STRA8: variants seen among roughly 807,000 people sequenced by gnomAD.
The protein encoded by STRA8 is stimulated by retinoic acid gene 8 protein homolog.
Under a neutral mutation model 37.1 loss-of-function variants are expected in STRA8, and 18 were observed. The observed-to-expected ratio is 0.48, with a 90% CI of 0.34 to 0.72. The LOEUF (loss-of-function observed/expected upper bound fraction) is 0.72. Among genes scored for constraint, STRA8 ranks in the 30% least tolerant of loss-of-function variants. The pLI is 0.01. For missense variants in STRA8, 357 were observed against 410.4 expected (o/e 0.87, Z 1.13); for synonymous variants, 168 against 162.9 (o/e 1.03, Z -0.24).
intron 1 of STRA8, among the ~76,000 whole-genome samples, chr7:135,238,111 A>C (rs1006548894): frequency 6.6e-6 from 1 of 152,208 alleles, no homozygotes; most frequent in African/African-American, 2.4e-5. Flanking sequence ...AATTAAGAGT[A>C]ACATCTCCAG....
In STRA8 at chr7:135,252,013, A is replaced by AGAGAGAGAGTGTGT. The variant is rs142941773; in HGVS notation, c.953+145_953+146insAGAGAGAGTGTGTG. The AGAGAGAGAGTGTGT allele has an allele frequency of 1.8e-4, 92 of 505,374 alleles. No individual in the cohort carries two copies. The African/African-American group carries it at 1.8e-3, about 10-fold the overall frequency. The allele number at this position is 505,374 out of a possible 1,614,324, so 31.3% of individuals were successfully genotyped here. A position where few individuals can be genotyped will look rare whatever the true frequency, so the allele number is the denominator to read the frequency against. On this transcript the variant is annotated intron_variant, in intron 7 of 8. Coordinates refer to ENST00000662584, the MANE Select transcript of STRA8 (RefSeq NM_001394401.1). ...AGAGGAGACAGAGGGAGAGAGAGAGAGTGTGTGTGTGTGTGTGTGTGTGTG... is the reference window on the plus strand; with the variant it reads ...AGAGGAGACAGAGGGAGAGAGAGAGAGAGAGAGAGTGTGTGTGTGTGTGTGTGTGTGTGTGTGTG...
intron 7 of STRA8, among the ~76,000 whole-genome samples, chr7:135,252,540 G>A (rs1420529691): frequency 2.6e-5 from 4 of 152,158 alleles, no homozygotes; most frequent in Non-Finnish European, 5.9e-5. Context: ...GCTGGTCCTA[G>A]GATTGTGTCA....
chr7:135,246,838 T>C lies in STRA8; in HGVS notation c.879+136T>C, dbSNP rs1832566176. On this transcript the variant is annotated intron_variant, in intron 6 of 8. Coordinates refer to ENST00000662584, the MANE Select transcript of STRA8 (RefSeq NM_001394401.1). The surrounding 1 kb of genome is among the most constrained non-coding windows in gnomAD (Gnocchi z 5.4). Reference sequence around the variant, plus strand: ...GGCTCCCAAGGTCGGTTTCTGATTTTCTTTTTTCTCTTTTTTTTTTTTTTG... The same window carrying C: ...GGCTCCCAAGGTCGGTTTCTGATTTCCTTTTTTCTCTTTTTTTTTTTTTTG... 2 of 918,626 alleles carry C rather than the reference T, an allele frequency of 2.2e-6. No individual in the cohort carries two copies. The highest frequency in any genetic ancestry group is 1.8e-5 in the African/African-American group (1 of 54,318). 56.9% of individuals were successfully genotyped at this position (918,626 alleles called of 1,614,324 possible).
chr7:135,233,276 C>T (rs926438820), upstream of STRA8, among the ~76,000 whole-genome samples: 1 of 152,104 alleles, frequency 6.6e-6, no homozygotes. Flanking sequence ...CCCATTTTCT[C>T]CCCCCATCCT....
intron 7 of STRA8, 103 bp from the exon 8 acceptor site, chr7:135,255,011 G>A: frequency 2.3e-6 from 2 of 875,648 alleles, no homozygotes. Flanking sequence ...ATTTACATGT[G>A]CTTGGTTCAT....
In STRA8 at chr7:135,243,267, G is replaced by A. The variant is rs1391914837; in HGVS notation, c.269-59G>A. On this transcript the variant is annotated intron_variant, in intron 3 of 8. Coordinates refer to ENST00000662584, the MANE Select transcript of STRA8 (RefSeq NM_001394401.1). ...GCCCACCTGGGCCAGAAGGGTGGGA[G>A]AGACTCAACAGAGGCCTGACTTTTC... 5.1e-6 allele frequency: 8 copies of A among 1,582,964 alleles called. No homozygotes were observed. In the African/African-American group the frequency reaches 5.4e-5, roughly 11 times the overall value.
chr7:135,257,121 CT>C (rs879477701), intron 8 of STRA8, among the ~76,000 whole-genome samples: 17 of 152,198 alleles, frequency 1.1e-4, no homozygotes, highest in Non-Finnish European at 1.9e-4. Context: ...TGAATGGGAA[CT>C]GCTTCTCCAG....
At chr7:135,255,005 A>G in intron 7 of STRA8, 109 bp from the exon 8 acceptor site, 1 of 834,636 alleles carries the variant, frequency 1.2e-6, no homozygotes, top group East Asian at 2.5e-5. Context: ...CTGAGAATTT[A>G]CATGTGCTTG....
chr7:135,254,244 C>A (rs1444739466), intron 7 of STRA8, among the ~76,000 whole-genome samples: 1 of 152,168 alleles, frequency 6.6e-6, no homozygotes, highest in South Asian at 2.1e-4. Flanking sequence ...ATTCAGAACT[C>A]CCTGCCCTGC....
rs539675865 is a variant in STRA8 at position 135,258,271 on chromosome 7, G to T, written c.1066-147G>T. ...CCCCCCTTAGAGCCCTTGCTTCCTG[G>T]CCCAAGCTGGAGGTGAAAATGCAGC... On this transcript the variant is annotated intron_variant, in intron 8 of 8. Transcript: ENST00000662584. 2.2e-5 allele frequency: 13 copies of T among 586,594 alleles called. No individual in the cohort carries two copies. In the African/African-American group the frequency reaches 2.2e-4, roughly 10 times the overall value. 36.3% of individuals were successfully genotyped at this position (586,594 alleles called of 1,614,324 possible). A position where few individuals can be genotyped will look rare whatever the true frequency, so the allele number is the denominator to read the frequency against.
At position 135,246,583 on chromosome 7, in the gene STRA8, C is replaced by T. The variant is rs555218698; in HGVS notation, c.760C>T (p.Arg254Cys). 2.1e-5 allele frequency: 33 copies of T among 1,543,268 alleles called. No individual in the cohort carries two copies. The East Asian group carries it at 4.2e-4, about 19-fold the overall frequency. Reference sequence around the variant, plus strand: ...CCGGCAGGCCTGGGCGCAGAAGCACCGCGGCCCTGCGACCCTGGCGGAGGC... The same window carrying T: ...CCGGCAGGCCTGGGCGCAGAAGCACTGCGGCCCTGCGACCCTGGCGGAGGC... ...SLRQAWAQKHRGPATLAEACR... is the reference protein window; with the variant it reads ...SLRQAWAQKHCGPATLAEACR... Residue 254 changes from arginine to cysteine, a missense_variant, in exon 6 of 9, where the codon CGC becomes TGC. Physicochemically the swap from Arg to Cys is radical, Grantham distance 180. Transcript: ENST00000662584. The surrounding 1 kb of genome is among the most constrained non-coding windows in gnomAD (Gnocchi z 5.4).
At chr7:135,233,691 T>G (rs1832324728), upstream of STRA8, among the ~76,000 whole-genome samples, 1 of 151,662 alleles carries the variant, frequency 6.6e-6, no homozygotes, top group African/African-American at 2.4e-5. Context: ...CTTGTAACAC[T>G]GTTTCTTCCA....
chr7:135,245,418 G>GAGA lies in STRA8; in HGVS notation c.486_487insAAG (p.Glu162_Glu163insLys), dbSNP rs34840853. On this transcript the variant is annotated inframe_insertion, in exon 5 of 9. Transcript: ENST00000662584. Reference sequence around the variant, plus strand: ...AGAAGAAGAGGAGGAGGAAGAAGAAGAGGAGGAGGAGGAAGAGGAGGAAGA... The same window carrying GAGA: ...AGAAGAAGAGGAGGAGGAAGAAGAAGAGAAGGAGGAGGAGGAAGAGGAGGAAGA... The GAGA allele has an allele frequency of 3.2e-6, 2 of 620,134 alleles. No homozygotes were observed. The highest frequency in any genetic ancestry group is 5.8e-6 in the Non-Finnish European group (2 of 345,682). 38.4% of individuals were successfully genotyped at this position (620,134 alleles called of 1,614,324 possible).
chr7:135,240,420 G>T (rs968052385), intron 1 of STRA8, 99 bp from the exon 2 acceptor site: 1 of 1,191,204 alleles, frequency 8.4e-7, no homozygotes, highest in South Asian at 1.5e-5. Context: ...ACTTGGGAAG[G>T]GTACCTCCTT....
upstream of STRA8, among the ~76,000 whole-genome samples, chr7:135,232,519 T>C (rs1469889178): frequency 2.6e-5 from 4 of 152,124 alleles, no homozygotes; most frequent in East Asian, 7.8e-4. Context: ...GGTGCGGGGC[T>C]GTAGTCCCGG....
chr7:135,253,015 A>C (rs1585480027), intron 7 of STRA8, among the ~76,000 whole-genome samples: 1 of 151,786 alleles, frequency 6.6e-6, no homozygotes, highest in South Asian at 2.1e-4. Context: ...GCTCACTGCA[A>C]CCTCCGCCTC....
chr7:135,252,001 G>A lies in STRA8; in HGVS notation c.953+132G>A, dbSNP rs541510840. 4,318 of 676,090 alleles carry A rather than the reference G, an allele frequency of 6.4e-3. 133 individuals carry two copies. The African/African-American group carries it at 0.085, about 13-fold the overall frequency. 41.9% of individuals were successfully genotyped at this position (676,090 alleles called of 1,614,324 possible). On this transcript the variant is annotated intron_variant, in intron 7 of 8. Transcript: ENST00000662584. ...TCAGAGACAGAGAGAGGAGACAGAG[G>A]GAGAGAGAGAGAGTGTGTGTGTGTG...
intron 6 of STRA8, among the ~76,000 whole-genome samples, chr7:135,250,635 C>A (rs1458440156): frequency 2.6e-5 from 4 of 152,218 alleles, no homozygotes; most frequent in Admixed American, 2.6e-4. Context: ...CCTGGCGGAA[C>A]CTGCCAGTAC....
At chr7:135,251,689 G>T in intron 6 of STRA8, 107 bp from the exon 7 acceptor site, 1 of 1,060,908 alleles carries the variant, frequency 9.4e-7, no homozygotes, top group Non-Finnish European at 1.5e-6. Context: ...GCCCTCTGGG[G>T]TATGTGTAAA....
Sources: allele counts gnomAD v4.1 joint callset (sites outside exome capture counted in the v4.1 genomes callset), GRCh38; gene constraint gnomAD v4.1.1; non-coding constraint Gnocchi (gnomAD v3.1); transcripts MANE v1.5; gene names NCBI Gene and HGNC (gene_info 2026-07-23, HGNC 2026-07-21).